The following KCNIP4 variants were observed in gnomAD, a reference collection of about 807,000 sequenced individuals.
The protein encoded by KCNIP4 is Kv channel-interacting protein 4.
A neutral mutation model predicts 34.0 loss-of-function variants in KCNIP4; 12 were observed. That is an observed-to-expected ratio of 0.35 (90% CI 0.23 to 0.57). The LOEUF is 0.57. Among genes scored for constraint, KCNIP4 ranks in the 20% least tolerant of loss-of-function variants. The pLI, the probability that KCNIP4 is intolerant of heterozygous loss-of-function variation, is 0.83. For missense variants in KCNIP4, 238 were observed against 311.7 expected (o/e 0.76, Z 1.78); for synonymous variants, 124 against 102.2 (o/e 1.21, Z -1.29).
rs144419872 is a variant in KCNIP4 at position 21,691,561 on chromosome 4, G to A, written c.61+257010C>T. Among the ~76,000 whole-genome samples the A allele has an allele frequency of 4.1e-3, 621 of 152,082 alleles. 2 individuals carry two copies. The highest frequency in any genetic ancestry group is 0.014 in the African/African-American group (589 of 41,482). Reference sequence around the variant, plus strand: ...ATCACAATCGATGTATAATATCCTCGGTAGTCTTTGTCTTGTATTGTGAAA... The same window carrying A: ...ATCACAATCGATGTATAATATCCTCAGTAGTCTTTGTCTTGTATTGTGAAA... On this transcript the variant is annotated intron_variant, in intron 1 of 8. Transcript: ENST00000382152.
At chr4:20,871,239 A>G (rs1438095873) in intron 2 of KCNIP4, among the ~76,000 whole-genome samples, 1 of 152,084 alleles carries the variant, frequency 6.6e-6, no homozygotes, top group Non-Finnish European at 1.5e-5. Context: ...CTGAAATTCT[A>G]ATGGAAGAGT....
At chr4:21,300,637 G>A (rs945892362) in intron 1 of KCNIP4, among the ~76,000 whole-genome samples, 7 of 152,076 alleles carry the variant, frequency 4.6e-5, no homozygotes, top group African/African-American at 1.4e-4. Flanking sequence ...AGCCCCACAC[G>A]TCAAATTCTA....
intron 1 of KCNIP4, among the ~76,000 whole-genome samples, chr4:21,726,383 G>T (rs151178266): frequency 1.6e-3 from 245 of 152,264 alleles, no homozygotes; most frequent in African/African-American, 5.5e-3. Context: ...AGCAGCATAT[G>T]AAACACTAAA....
intron 2 of KCNIP4, among the ~76,000 whole-genome samples, chr4:20,872,279 T>C (rs1723558049): frequency 6.6e-6 from 1 of 152,012 alleles, no homozygotes; most frequent in African/African-American, 2.4e-5. Context: ...ATAAATAAGG[T>C]TTTATACTGT....
chr4:21,198,024 A>G (rs1756182838), intron 1 of KCNIP4, among the ~76,000 whole-genome samples: 1 of 152,214 alleles, frequency 6.6e-6, no homozygotes, highest in Non-Finnish European at 1.5e-5. Flanking sequence ...AGTGTTAACA[A>G]GGATATATGG....
intron 1 of KCNIP4, among the ~76,000 whole-genome samples, chr4:21,682,256 C>G (rs984089506): frequency 7.2e-5 from 11 of 152,122 alleles, no homozygotes; most frequent in Non-Finnish European, 1.0e-4. Flanking sequence ...GAGAACAGTA[C>G]CAAGGGGATG....
At chr4:21,635,129 G>T (rs557397633) in intron 1 of KCNIP4, among the ~76,000 whole-genome samples, 2 of 152,144 alleles carry the variant, frequency 1.3e-5, no homozygotes, top group South Asian at 2.1e-4. Flanking sequence ...CTGGCAAATT[G>T]GTACCCTGAC....
At chr4:20,754,196 G>T (rs1214252456) in intron 4 of KCNIP4, among the ~76,000 whole-genome samples, 8 of 152,056 alleles carry the variant, frequency 5.3e-5, no homozygotes, top group Non-Finnish European at 1.2e-4. Flanking sequence ...AGAGGCTTTT[G>T]TTCAATCCAG....
At chr4:21,894,915 G>A (rs1727296910) in intron 1 of KCNIP4, among the ~76,000 whole-genome samples, 1 of 152,128 alleles carries the variant, frequency 6.6e-6, no homozygotes, top group Non-Finnish European at 1.5e-5. Context: ...GCCATCTGAA[G>A]ATCGACTATC....
At chr4:21,648,959 T>C (rs909146748) in intron 1 of KCNIP4, among the ~76,000 whole-genome samples, 2 of 152,204 alleles carry the variant, frequency 1.3e-5, no homozygotes, top group Admixed American at 1.3e-4. Flanking sequence ...AGTTTGGTTA[T>C]AATTAATATA....
intron 1 of KCNIP4, among the ~76,000 whole-genome samples, chr4:21,638,880 G>A (rs907385131): frequency 6.6e-6 from 1 of 152,106 alleles, no homozygotes; most frequent in Non-Finnish European, 1.5e-5. Flanking sequence ...TGATAATGTT[G>A]CAAAACTAGA....
At chr4:21,276,717 T>C (rs1206488299) in intron 1 of KCNIP4, among the ~76,000 whole-genome samples, 1 of 152,282 alleles carries the variant, frequency 6.6e-6, no homozygotes, top group South Asian at 2.1e-4. Context: ...GTAATGACAG[T>C]GGCCCATCTA....
At chr4:21,866,559 T>A (rs1725427998) in intron 1 of KCNIP4, among the ~76,000 whole-genome samples, 1 of 152,112 alleles carries the variant, frequency 6.6e-6, no homozygotes, top group South Asian at 2.1e-4. Context: ...GTAGGAATGG[T>A]CACGTGCATA....
chr4:21,274,453 C>A (rs1229501794), intron 1 of KCNIP4, among the ~76,000 whole-genome samples: 2 of 152,128 alleles, frequency 1.3e-5, no homozygotes, highest in Non-Finnish European at 2.9e-5. Flanking sequence ...TTCTTTAAAA[C>A]CAACGGAGCT....
At chr4:20,858,091 AT>A (rs1721801382) in intron 2 of KCNIP4, among the ~76,000 whole-genome samples, 1 of 151,518 alleles carries the variant, frequency 6.6e-6, no homozygotes, top group South Asian at 2.1e-4. Flanking sequence ...GGTGCCTGTA[AT>A]CCCAGCTACT....
At chr4:21,946,558 C>CT (rs1730522678) in intron 1 of KCNIP4, among the ~76,000 whole-genome samples, 2 of 152,138 alleles carry the variant, frequency 1.3e-5, no homozygotes, top group Admixed American at 1.3e-4. Context: ...AAGCAAAGTA[C>CT]TTATGCATAT....
intron 1 of KCNIP4, among the ~76,000 whole-genome samples, chr4:21,820,358 C>T (rs1418148777): frequency 6.8e-6 from 1 of 146,194 alleles, no homozygotes; most frequent in Non-Finnish European, 1.5e-5. Flanking sequence ...CACATACAGG[C>T]ATGAAGTACT....
chr4:20,899,554 C>A (rs1237357411), intron 1 of KCNIP4, among the ~76,000 whole-genome samples: 1 of 152,106 alleles, frequency 6.6e-6, no homozygotes, highest in Non-Finnish European at 1.5e-5. Flanking sequence ...TAAGAGGATT[C>A]TTTTGAGTTA....
chr4:21,374,407 G>A (rs1227373409), intron 1 of KCNIP4, among the ~76,000 whole-genome samples: 2 of 146,948 alleles, frequency 1.4e-5, no homozygotes. Flanking sequence ...CAGATCTAGT[G>A]AGACATATTC....
Sources: gnomAD v4.1 joint callset for allele counts (sites outside exome capture counted in the v4.1 genomes callset) on GRCh38, gnomAD v4.1.1 for gene constraint, MANE v1.5 for transcripts, NCBI Gene and HGNC (gene_info 2026-07-23, HGNC 2026-07-21) for gene names.